The following BCHE variants were observed in gnomAD, a reference collection of about 807,000 sequenced individuals.
The protein encoded by BCHE is butyrylcholinesterase.
BCHE carries 48 observed loss-of-function variants against 51.3 expected under a neutral mutation model. The ratio of observed to expected loss-of-function variants is 0.94; its 90% confidence interval spans 0.74 to 1.19. The LOEUF is 1.19. Ranked by LOEUF, BCHE falls within the 50% of genes most tolerant of loss-of-function variation. The pLI is 0.00. For synonymous variants in BCHE, 251 were observed against 238.0 expected, an observed-to-expected ratio of 1.05 and a Z score of -0.50; for missense variants, 847 against 708.2, an observed-to-expected ratio of 1.20 and a Z score of -2.23.
At position 165,829,657 on chromosome 3, in the gene BCHE, T is replaced by C. The variant is rs1714869714; in HGVS notation, c.1377A>G (p.Pro459=). The part of the protein sequence containing the change: ...FEHRSSKLPW[P]EWMGVMHGYE... The stretch of plus-strand genomic sequence containing the variant: ...AGCCATGCATCACTCCCATCCATTC[T>C]GGCCACGGAAGTTTGGAGGATCGGT... The change falls in exon 2 of 4, where the codon CCA becomes CCG. Residue 459 remains proline, a synonymous_variant. Transcript: ENST00000264381. 1.2e-6 allele frequency: 2 copies of C among 1,613,782 alleles called. No individual in the cohort carries two copies. Among genetic ancestry groups the C allele is most frequent in the African/African-American group, 1.3e-5 (1 of 74,902 alleles).
At position 165,830,415 on chromosome 3, in the gene BCHE, G is replaced by T. The variant is rs1057517208; in HGVS notation, c.619C>A (p.Gln207Lys). The change falls in exon 2 of 4, where the codon CAA becomes AAA. Residue 207 changes from glutamine (Q) to lysine (K), a missense_variant. Physicochemically the swap from Gln to Lys is moderately conservative, Grantham distance 53. Coordinates refer to ENST00000264381, the MANE Select transcript of BCHE (RefSeq NM_000055.4). ...FDQQLALQWV[Q>K]KNIAAFGGNP... ...CCACCAAAGGCTGCTATATTTTTTT[G>T]AACCCACTGAAGAGCCAACTGTTGA... The T allele has an allele frequency of 1.2e-6, 2 of 1,613,570 alleles. No homozygotes were observed. The highest frequency in any genetic ancestry group is 1.3e-5 in the African/African-American group (1 of 74,870).
chr3:165,813,292 C>T (rs181492520), intron 2 of BCHE, among the ~76,000 whole-genome samples: 1 of 151,626 alleles, frequency 6.6e-6, no homozygotes, highest in Admixed American at 6.6e-5. Flanking sequence ...GTAATCAAAT[C>T]ATTAGGTTTA....
rs781532109 is a variant in BCHE, at chr3:165,830,346, C to A, written c.688G>T (p.Ala230Ser). The A allele has an allele frequency of 3.1e-6, 5 of 1,613,880 alleles. No individual in the cohort carries two copies. The South Asian group carries it at 5.5e-5, about 18-fold the overall frequency. ...VTLFGESAGA[A>S]SVSLHLLSPG... The stretch of plus-strand genomic sequence containing the variant: ...GAAAGCAAATGCAGGCTAACTGAAG[C>A]TGCTCCTGCACTTTCTCCAAAGAGA... The change falls in exon 2 of 4, where the codon GCT (alanine) becomes TCT (serine). Residue 230 changes from alanine to serine, a missense_variant. Transcript: ENST00000264381.
At chr3:165,775,541 T>C (rs1576831526) in intron 3 of BCHE, among the ~76,000 whole-genome samples, 1 of 151,696 alleles carries the variant, frequency 6.6e-6, no homozygotes, top group Admixed American at 6.6e-5. Flanking sequence ...AAAAAATTTT[T>C]CTTGATAAAT....
chr3:165,823,829 T>C (rs541893861), intron 2 of BCHE, among the ~76,000 whole-genome samples: 1 of 151,964 alleles, frequency 6.6e-6, no homozygotes, highest in African/African-American at 2.4e-5. Flanking sequence ...CTGATCATAG[T>C]CCACTACAGC....
At chr3:165,801,887 C>G (rs892306272) in intron 2 of BCHE, among the ~76,000 whole-genome samples, 1 of 152,130 alleles carries the variant, frequency 6.6e-6, no homozygotes, top group African/African-American at 2.4e-5. Flanking sequence ...TCTGTCTCTC[C>G]ACATTCTTTC....
At chr3:165,775,079 T>G (rs1387109282) in intron 3 of BCHE, among the ~76,000 whole-genome samples, 1 of 152,124 alleles carries the variant, frequency 6.6e-6, no homozygotes, top group Non-Finnish European at 1.5e-5. Flanking sequence ...AAATAGGGGC[T>G]GGCAACTCTT....
At chr3:165,812,862 A>G (rs1350632563) in intron 2 of BCHE, among the ~76,000 whole-genome samples, 1 of 151,968 alleles carries the variant, frequency 6.6e-6, no homozygotes, top group Non-Finnish European at 1.5e-5. Context: ...TCTGGTCATT[A>G]AAGGACTGGG....
At chr3:165,792,698 T>G (rs1713216905) in intron 2 of BCHE, among the ~76,000 whole-genome samples, 1 of 152,224 alleles carries the variant, frequency 6.6e-6, no homozygotes, top group Non-Finnish European at 1.5e-5. Flanking sequence ...TAAAATAGAT[T>G]AATTTGTATG....
chr3:165,830,528 A>G lies in BCHE; in HGVS notation c.506T>C (p.Val169Ala). 6.2e-7 allele frequency: 1 copy of G among 1,613,990 alleles called. No individual in the cohort carries two copies. Among genetic ancestry groups the G allele is most frequent in the Non-Finnish European group, 8.5e-7 (1 of 1,179,952 alleles). Reference protein sequence around the residue: ...KFLARVERVIVVSMNYRVGAL... With the variant: ...KFLARVERVIAVSMNYRVGAL... The stretch of plus-strand genomic sequence containing the variant: ...ACCCACCCTATAGTTCATTGACACT[A>G]CAATAACTCTTTCAACCCGAGCCAG... Residue 169 changes from valine to alanine, a missense_variant, in exon 2 of 4, where the codon GTA (valine) becomes GCA (alanine). Transcript: ENST00000264381.
Position 165,794,599 on chromosome 3 carries a change from A to G in BCHE, c.1518-8288T>C, listed in dbSNP as rs143296383. On this transcript the variant is annotated intron_variant, in intron 2 of 3. Coordinates refer to ENST00000264381, the MANE Select transcript of BCHE (RefSeq NM_000055.4). ...TATTTGAGGTCTCTGATATAAGAGC[A>G]CTAATCTCACTCATGAGGGCTCTAC... Among the ~76,000 whole-genome samples the G allele has an allele frequency of 5.3e-3, 808 of 152,286 alleles. 2 individuals carry two copies. The highest frequency in any genetic ancestry group is 0.031 in the Middle Eastern group (9 of 294).
intron 2 of BCHE, among the ~76,000 whole-genome samples, chr3:165,794,837 C>A (rs1234011383): frequency 6.6e-6 from 1 of 151,964 alleles, no homozygotes; most frequent in Non-Finnish European, 1.5e-5. Flanking sequence ...AATAACTGAA[C>A]AAATATCATT....
chr3:165,818,957 C>G (rs1387496450), intron 2 of BCHE, among the ~76,000 whole-genome samples: 1 of 151,880 alleles, frequency 6.6e-6, no homozygotes, highest in East Asian at 1.9e-4. Flanking sequence ...ATGCCATGCT[C>G]TTTTGATGCA....
chr3:165,786,096 T>C (rs1380111567), intron 3 of BCHE, 49 bp downstream of exon 3: 2 of 1,572,640 alleles, frequency 1.3e-6, no homozygotes, highest in African/African-American at 2.7e-5. Flanking sequence ...ATCCCTTTTT[T>C]ACATAACCCA....
chr3:165,804,139 C>T (rs1462073865), intron 2 of BCHE, among the ~76,000 whole-genome samples: 2 of 151,452 alleles, frequency 1.3e-5, no homozygotes, highest in African/African-American at 2.4e-5. Flanking sequence ...ACTACACACA[C>T]ATCAAATACT....
rs1408056765 is a variant in BCHE, at chr3:165,830,865, G to A, written c.169C>T (p.Leu57Phe). The A allele has an allele frequency of 1.2e-6, 2 of 1,613,954 alleles. No individual in the cohort carries two copies. The highest frequency in any genetic ancestry group is 3.3e-5 in the Admixed American group (2 of 59,970). ...TVFGGTVTAFLGIPYAQPPLG... is the reference protein window; with the variant it reads ...TVFGGTVTAFFGIPYAQPPLG... ...GGTGGCTGTGCATAGGGAATTCCAA[G>A]AAAGGCTGTTACCGTGCCACCAAAA... is the stretch of plus-strand genomic sequence containing the variant. Residue 57 changes from leucine (L) to phenylalanine (F), a missense_variant, in exon 2 of 4, where the codon CTT (leucine) becomes TTT (phenylalanine). By Grantham distance (22) the Leu-to-Phe change is conservative (BLOSUM62 0). Transcript: ENST00000264381.
intron 2 of BCHE, among the ~76,000 whole-genome samples, chr3:165,795,742 T>C (rs2108209573): frequency 1.3e-5 from 2 of 152,246 alleles, no homozygotes; most frequent in Admixed American, 1.3e-4. Context: ...TAGCATACCT[T>C]AGAAATTTGC....
intron 2 of BCHE, among the ~76,000 whole-genome samples, chr3:165,802,692 A>T (rs1290622845): frequency 4.0e-5 from 6 of 151,750 alleles, no homozygotes; most frequent in Non-Finnish European, 5.9e-5. Context: ...GAGCATTTAC[A>T]TGATGTTTAA....
chr3:165,773,374 T>C lies in BCHE; in HGVS notation c.*8A>G, dbSNP rs1440488688. The C allele has an allele frequency of 1.2e-6, 2 of 1,609,004 alleles. No homozygotes were observed. The highest frequency in any genetic ancestry group is 1.1e-5 in the South Asian group (1 of 90,802). On this transcript the variant is annotated 3_prime_UTR_variant, in exon 4 of 4. Coordinates refer to ENST00000264381, the MANE Select transcript of BCHE (RefSeq NM_000055.4). ...GAAAATATGTTCTATAAAGGGTAAATCTATTAATTAGAGACCCACACAACT... is the reference window on the plus strand; with the variant it reads ...GAAAATATGTTCTATAAAGGGTAAACCTATTAATTAGAGACCCACACAACT...
Sources: gnomAD v4.1 joint callset for allele counts (sites outside exome capture counted in the v4.1 genomes callset) on GRCh38, gnomAD v4.1.1 for gene constraint, MANE v1.5 for transcripts, NCBI Gene and HGNC (gene_info 2026-07-23, HGNC 2026-07-21) for gene names.